Variants in ANKRD16 observed in about 807,000 individuals in gnomAD.
The protein encoded by ANKRD16 is ankyrin repeat domain 16.
A neutral mutation model predicts 37.9 loss-of-function variants in ANKRD16; 35 were observed. The observed-to-expected ratio is 0.92, with a 90% CI of 0.71 to 1.23. ANKRD16 has a LOEUF of 1.23. ANKRD16 is among the 50% of genes most tolerant of loss of function. ANKRD16 has a pLI of 0.00. For synonymous variants in ANKRD16, 206 were observed against 197.2 expected (o/e 1.04, Z -0.37); for missense variants, 480 against 469.9 (o/e 1.02, Z -0.20).
At position 5,864,343 on chromosome 10, in the gene ANKRD16, C is replaced by G. The variant is rs1241872664; in HGVS notation, c.*34-1652G>C. 6.6e-6 allele frequency among the ~76,000 whole-genome samples: 1 copy of G among 152,134 alleles called. No homozygotes were observed. The highest frequency in any genetic ancestry group is 2.1e-4 in the South Asian group (1 of 4,822). ...TCTCCAAGGGACCACAACCTCCCCC[C>G]CACCCCTGCTATCGGTTATGTCCTT... On this transcript the variant is annotated intron_variant, in intron 7 of 7. Transcript: ENST00000380094. The surrounding 1 kb of genome is among the most constrained non-coding windows in gnomAD (Gnocchi z 4.4).
chr10:5,878,096 C>T lies in ANKRD16; in HGVS notation c.*33+1G>A. The T allele has an allele frequency of 6.2e-7, 1 of 1,601,468 alleles. No individual in the cohort carries two copies. The highest frequency in any genetic ancestry group is 8.5e-7 in the Non-Finnish European group (1 of 1,173,388). On this transcript the variant is annotated splice_donor_variant, in intron 7 of 7. Coordinates refer to ENST00000380094, the MANE Select transcript of ANKRD16 (RefSeq NM_019046.3). LOFTEE classifies it low-confidence loss of function (3UTR_SPLICE). This position sits in a 1 kb window ranked among gnomAD's most constrained non-coding sequence, Gnocchi z 5.1. ...GACTTAAGAAGCAGGATATGAATTA[C>T]CATGCACTTTATTGCCTCCTCTTGG...
rs994923836 is a variant in ANKRD16, at chr10:5,868,844, T to C, written c.*34-6153A>G. Among the ~76,000 whole-genome samples the C allele has an allele frequency of 6.6e-6, 1 of 152,152 alleles. No homozygotes were observed. On this transcript the variant is annotated intron_variant, in intron 7 of 7. Transcript: ENST00000380094. The surrounding 1 kb of genome is among the most constrained non-coding windows in gnomAD (Gnocchi z 4.9). ...GGAACAAACAACTCTGAATGTACCA[T>C]CTTTAAGATCATAACACTCACCGCA...
rs537024922 is a variant in ANKRD16, at chr10:5,884,164, C to A, written c.579-87G>T. 1.3e-4 allele frequency: 132 copies of A among 978,914 alleles called. No individual in the cohort carries two copies. The African/African-American group carries it at 1.9e-3, about 14-fold the overall frequency. 60.6% of individuals were successfully genotyped at this position (978,914 alleles called of 1,614,324 possible). ...TGACACCTGATCACCTGCAGGTGAA[C>A]TGCGTGTGTGCAAATGACCTGTGAG... On this transcript the variant is annotated intron_variant, in intron 3 of 7. Coordinates refer to ENST00000380094, the MANE Select transcript of ANKRD16 (RefSeq NM_019046.3).
Position 5,878,203 on chromosome 10 carries a change from G to A in ANKRD16, c.1013C>T (p.Thr338Met), listed in dbSNP as rs780337346. Residue 338 changes from threonine to methionine, a missense_variant, in exon 7 of 8, where the codon ACG becomes ATG. Coordinates refer to ENST00000380094, the MANE Select transcript of ANKRD16 (RefSeq NM_019046.3). The surrounding 1 kb of genome is among the most constrained non-coding windows in gnomAD (Gnocchi z 5.1). ...TGGGAGCTGCTGAGCCAGGGTGCCC[G>A]TGATGTCTTCAGAATCCTTCAGTCC... ...QSGLKDSEDI[T>M]GTLAQQLPRR... 3.2e-5 allele frequency: 52 copies of A among 1,614,054 alleles called. No homozygotes were observed. The highest frequency in any genetic ancestry group is 1.6e-4 in the Middle Eastern group (1 of 6,084).
At chr10:5,880,121 C>T (rs964708212) in intron 6 of ANKRD16, among the ~76,000 whole-genome samples, 177 bp downstream of exon 6, 1 of 140,034 alleles carries the variant, frequency 7.1e-6, no homozygotes, top group East Asian at 2.2e-4. Context: ...TGGCGTGCCA[C>T]TGCACTCCAG....
Position 5,868,991 on chromosome 10 carries a change from G to C in ANKRD16, c.*34-6300C>G, listed in dbSNP as rs1233577480. On this transcript the variant is annotated intron_variant, in intron 7 of 7. Transcript: ENST00000380094. The surrounding 1 kb of genome is among the most constrained non-coding windows in gnomAD (Gnocchi z 4.9). ...GGTGCGGGAAGAAACTTTTGGACAA[G>C]TTTGTCCAACCTGTGGCCCAGGTGG... Among the ~76,000 whole-genome samples, 3 of 152,174 alleles carry C rather than the reference G, an allele frequency of 2.0e-5. No individual in the cohort carries two copies. The highest frequency in any genetic ancestry group is 4.4e-5 in the Non-Finnish European group (3 of 68,034).
intron 5 of ANKRD16, among the ~76,000 whole-genome samples, chr10:5,881,442 AT>A (rs376447459): frequency 0.61 from 66,581 of 108,674 alleles, 20,121 homozygotes; most frequent in Non-Finnish European, 0.63. Context: ...TATTATTTAT[AT>A]ATATATATAT....
intron 1 of ANKRD16, 46 bp from the exon 2 acceptor site, chr10:5,888,113 T>C (rs1295870385): frequency 1.9e-6 from 3 of 1,574,072 alleles, no homozygotes; most frequent in Non-Finnish European, 2.6e-6. Context: ...AGCTGAGACA[T>C]TAGAAGCCAG....
rs190749530 is a variant in ANKRD16, at chr10:5,867,470, G to A, written c.*34-4779C>T. Among the ~76,000 whole-genome samples the A allele has an allele frequency of 3.4e-3, 511 of 152,328 alleles. 4 individuals carry two copies. The highest frequency in any genetic ancestry group is 7.9e-3 in the South Asian group (38 of 4,832). The stretch of plus-strand genomic sequence containing the variant: ...AACTTTAAAGTACTTACAGAATCAG[G>A]AAGAAGCCATCTATACCATTTCTAA... On this transcript the variant is annotated intron_variant, in intron 7 of 7. Coordinates refer to ENST00000380094, the MANE Select transcript of ANKRD16 (RefSeq NM_019046.3).
At chr10:5,877,111 CT>C in intron 7 of ANKRD16, among the ~76,000 whole-genome samples, 2 of 12,968 alleles carry the variant, frequency 1.5e-4, no homozygotes, top group Admixed American at 2.8e-3. Flanking sequence ...GTTACATTTT[CT>C]TTTTTTCTTT....
At position 5,862,525 on chromosome 10, in the gene ANKRD16, T is replaced by G; in HGVS notation, c.*200A>C. 1 of 1,088,152 alleles carries G rather than the reference T, an allele frequency of 9.2e-7. No homozygotes were observed. The highest frequency in any genetic ancestry group is 1.2e-6 in the Non-Finnish European group (1 of 809,858). The allele number at this position is 1,088,152 out of a possible 1,614,324, so 67.4% of individuals were successfully genotyped here. ...CTGACCTTGGGGGCCAGTGCAGATG[T>G]GGCACTGACTTCACCACTGGTACAC... On this transcript the variant is annotated 3_prime_UTR_variant, in exon 8 of 8. Coordinates refer to ENST00000380094, the MANE Select transcript of ANKRD16 (RefSeq NM_019046.3). This position sits in a 1 kb window ranked among gnomAD's most constrained non-coding sequence, Gnocchi z 6.5.
chr10:5,862,854 G>C lies in ANKRD16; in HGVS notation c.*34-163C>G, dbSNP rs1055240780. Among the ~76,000 whole-genome samples the C allele has an allele frequency of 6.6e-6, 1 of 151,868 alleles. No individual in the cohort carries two copies. Among genetic ancestry groups the C allele is most frequent in the Non-Finnish European group, 1.5e-5 (1 of 68,036 alleles). On this transcript the variant is annotated intron_variant, in intron 7 of 7. Coordinates refer to ENST00000380094, the MANE Select transcript of ANKRD16 (RefSeq NM_019046.3). This position sits in a 1 kb window ranked among gnomAD's most constrained non-coding sequence, Gnocchi z 6.5. ...GAGAGGGAGAGTCCCATGCGCAGTTGGAAGGGAGAAGGGAAGGGGAGGCTG... is the reference window on the plus strand; with the variant it reads ...GAGAGGGAGAGTCCCATGCGCAGTTCGAAGGGAGAAGGGAAGGGGAGGCTG...
In ANKRD16 at chr10:5,865,451, C is replaced by T. The variant is rs773299118; in HGVS notation, c.*34-2760G>A. ...GTTTAACTATTGAGGGCCAGGAAAT[C>T]GACTTCCTCCTGGACAGTGGCATGG... On this transcript the variant is annotated intron_variant, in intron 7 of 7. Transcript: ENST00000380094. This position sits in a 1 kb window ranked among gnomAD's most constrained non-coding sequence, Gnocchi z 4.7. Among the ~76,000 whole-genome samples the T allele has an allele frequency of 1.2e-4, 19 of 152,178 alleles. No individual in the cohort carries two copies. The highest frequency in any genetic ancestry group is 3.3e-4 in the Admixed American group (5 of 15,276).
At position 5,888,426 on chromosome 10, in the gene ANKRD16, T is replaced by G. The variant is rs145250833; in HGVS notation, c.315-359A>C. Among the ~76,000 whole-genome samples the G allele has an allele frequency of 2.6e-3, 391 of 152,328 alleles. 2 individuals carry two copies. Among genetic ancestry groups the G allele is most frequent in the African/African-American group, 8.2e-3 (340 of 41,570 alleles). On this transcript the variant is annotated intron_variant, in intron 1 of 7. Coordinates refer to ENST00000380094, the MANE Select transcript of ANKRD16 (RefSeq NM_019046.3). ...TATTCCCCTGCCCCAGTGGGGAAGA[T>G]GTACTTCCCTATGTTCCTAAAGATG... is the stretch of plus-strand genomic sequence containing the variant.
chr10:5,874,334 C>T lies in ANKRD16; in HGVS notation c.*33+3763G>A, dbSNP rs1408514567. On this transcript the variant is annotated intron_variant, in intron 7 of 7. Transcript: ENST00000380094. This position sits in a 1 kb window ranked among gnomAD's most constrained non-coding sequence, Gnocchi z 4.7. ...CAAGTGTAGTACGTGCTCTGGGAGG[C>T]AGGTTAAGCCACAATTGGCAATCAA... Among the ~76,000 whole-genome samples the T allele has an allele frequency of 2.0e-5, 3 of 152,204 alleles. No individual in the cohort carries two copies. In the East Asian group the frequency reaches 5.8e-4, roughly 29 times the overall value.
rs1240578574 is a variant in ANKRD16, at chr10:5,863,316, G to A, written c.*34-625C>T. 5.3e-5 allele frequency among the ~76,000 whole-genome samples: 8 copies of A among 151,944 alleles called. No homozygotes were observed. Among genetic ancestry groups the A allele is most frequent in the Non-Finnish European group, 1.2e-4 (8 of 68,014 alleles). On this transcript the variant is annotated intron_variant, in intron 7 of 7. Coordinates refer to ENST00000380094, the MANE Select transcript of ANKRD16 (RefSeq NM_019046.3). The surrounding 1 kb of genome is among the most constrained non-coding windows in gnomAD (Gnocchi z 4.7). ...TGCTGTACGCTCACAAAGTTAGAGG[G>A]CAGAGCTCATATTAAAGGTTCATAC...
At position 5,868,782 on chromosome 10, in the gene ANKRD16, C is replaced by T. The variant is rs149507353; in HGVS notation, c.*34-6091G>A. 0.013 allele frequency among the ~76,000 whole-genome samples: 1,918 copies of T among 152,316 alleles called. 38 individuals carry two copies. The highest frequency in any genetic ancestry group is 0.043 in the African/African-American group (1,780 of 41,578). On this transcript the variant is annotated intron_variant, in intron 7 of 7. Coordinates refer to ENST00000380094, the MANE Select transcript of ANKRD16 (RefSeq NM_019046.3). The surrounding 1 kb of genome is among the most constrained non-coding windows in gnomAD (Gnocchi z 4.9). ...CATTCACTGCGAGGGTCTGCGGCTT[C>T]ATTCCTTAAGTCAGCAAGACCACGA...
intron 5 of ANKRD16, among the ~76,000 whole-genome samples, chr10:5,881,993 G>C (rs1029329777): frequency 2.0e-5 from 3 of 151,574 alleles, no homozygotes; most frequent in African/African-American, 7.3e-5. Context: ...GGCCGGTCTC[G>C]ATCTCTTGAC....
rs1842023096 is a variant in ANKRD16, at chr10:5,866,901, A to G, written c.*34-4210T>C. 6.6e-6 allele frequency among the ~76,000 whole-genome samples: 1 copy of G among 152,134 alleles called. No homozygotes were observed. Among genetic ancestry groups the G allele is most frequent in the Non-Finnish European group, 1.5e-5 (1 of 68,018 alleles). ...AGAGAGAGGAAGAGACAGACAAAGA[A>G]GAGTCAGAGAGAGAGAAACAGAAAG... On this transcript the variant is annotated intron_variant, in intron 7 of 7. Transcript: ENST00000380094. This position sits in a 1 kb window ranked among gnomAD's most constrained non-coding sequence, Gnocchi z 4.3.
Sources: allele counts gnomAD v4.1 joint callset (sites outside exome capture counted in the v4.1 genomes callset), GRCh38; gene constraint gnomAD v4.1.1; non-coding constraint Gnocchi (gnomAD v3.1); transcripts MANE v1.5; gene names NCBI Gene and HGNC (gene_info 2026-07-23, HGNC 2026-07-21).